The following SLC30A7 variants were observed in gnomAD, a reference collection of about 807,000 sequenced individuals.
The protein encoded by SLC30A7 is zinc transporter 7.
A neutral mutation model predicts 46.0 loss-of-function variants in SLC30A7; 35 were observed. The observed-to-expected ratio is 0.76, with a 90% confidence interval of 0.58 to 1.01. The LOEUF (loss-of-function observed/expected upper bound fraction) is 1.01, where lower values mean the gene tolerates loss of function less well. SLC30A7 is among the 50% of genes least tolerant of loss of function. SLC30A7 has a pLI of 0.00. For missense variants in SLC30A7, 464 were observed against 451.1 expected (o/e 1.03, Z -0.26); for synonymous variants, 147 against 157.8 (o/e 0.93, Z 0.51).
chr1:100,911,292 C>T (rs1054715434), intron 4 of SLC30A7, 142 bp downstream of exon 4: 12 of 551,820 alleles, frequency 2.2e-5, no homozygotes, highest in African/African-American at 1.5e-4. Flanking sequence ...ACAAGAGGAG[C>T]TTACAAAATA....
At chr1:100,914,004 T>C (rs986270078) in intron 6 of SLC30A7, among the ~76,000 whole-genome samples, 198 bp downstream of exon 6, 1 of 152,242 alleles carries the variant, frequency 6.6e-6, no homozygotes, top group Non-Finnish European at 1.5e-5. Flanking sequence ...GGATGTTCGC[T>C]TTTTTCCAGA....
chr1:100,933,569 C>A (rs978067407), intron 8 of SLC30A7, among the ~76,000 whole-genome samples: 30 of 152,194 alleles, frequency 2.0e-4, no homozygotes, highest in African/African-American at 7.2e-4. Flanking sequence ...CTCCCCACTC[C>A]CCCCACTCTA....
At chr1:100,971,606 T>A (rs1275146149) in intron 10 of SLC30A7, among the ~76,000 whole-genome samples, 1 of 152,128 alleles carries the variant, frequency 6.6e-6, no homozygotes, top group African/African-American at 2.4e-5. Context: ...TGAGAGCTCA[T>A]CATGTGCCAA....
intron 8 of SLC30A7, among the ~76,000 whole-genome samples, chr1:100,955,250 C>A (rs924269712): frequency 2.6e-5 from 4 of 151,946 alleles, no homozygotes; most frequent in African/African-American, 9.7e-5. Flanking sequence ...TCACTAAAAG[C>A]TGCTTCTGAA....
chr1:100,946,768 C>T (rs941534545), intron 8 of SLC30A7, among the ~76,000 whole-genome samples: 2 of 152,048 alleles, frequency 1.3e-5, no homozygotes, highest in Non-Finnish European at 2.9e-5. Context: ...GTGTCTCTGC[C>T]GGGCTTTGGT....
downstream of SLC30A7, among the ~76,000 whole-genome samples, chr1:100,986,400 A>C (rs1215022827): frequency 2.6e-5 from 4 of 151,292 alleles, no homozygotes; most frequent in Admixed American, 2.6e-4. Context: ...CAAAAGCAAA[A>C]CTCTTGTCTA....
At chr1:100,931,216 A>T (rs577279669) in intron 8 of SLC30A7, among the ~76,000 whole-genome samples, 1 of 152,158 alleles carries the variant, frequency 6.6e-6, no homozygotes, top group Non-Finnish European at 1.5e-5. Context: ...CTTTGTCCTC[A>T]ACACTTTCTT....
At chr1:100,915,256 C>CTTTCTTCCTTT (rs1557981536) in intron 6 of SLC30A7, among the ~76,000 whole-genome samples, 1 of 23,476 alleles carries the variant, frequency 4.3e-5, no homozygotes, top group South Asian at 1.1e-3. Context: ...TTTCTTTCTT[C>CTTTCTTCCTTT]CTTTCTTTCT....
intron 8 of SLC30A7, among the ~76,000 whole-genome samples, chr1:100,945,082 G>A (rs1449308743): frequency 2.0e-5 from 3 of 152,166 alleles, no homozygotes; most frequent in Non-Finnish European, 2.9e-5. Flanking sequence ...CTGCATAAAT[G>A]TCTTCTTTTG....
At chr1:100,951,250 A>G (rs1035586231) in intron 8 of SLC30A7, among the ~76,000 whole-genome samples, 1 of 152,092 alleles carries the variant, frequency 6.6e-6, no homozygotes, top group Non-Finnish European at 1.5e-5. Context: ...GACACAAAGT[A>G]CCCCTTTGTC....
At chr1:100,983,386 AAAAAC>A (rs1189095443), downstream of SLC30A7, among the ~76,000 whole-genome samples, 16 of 146,050 alleles carry the variant, frequency 1.1e-4, no homozygotes, top group South Asian at 1.1e-3. Context: ...AAAAAAAAAA[AAAAAC>A]AAAACAAAAC....
chr1:100,987,865 A>C, the SLC30A7 span, among the ~76,000 whole-genome samples: 1 of 152,150 alleles, frequency 6.6e-6, no homozygotes, highest in Non-Finnish European at 1.5e-5. Flanking sequence ...TAAAGGTTTC[A>C]TCCTTAGTTT....
rs981132784 is a variant in SLC30A7 at position 100,979,996 on chromosome 1, C to T, written c.*5139C>T. ...TATACATTATTTAGACTCATTCCTT[C>T]TTCCAGTGCCCTTATGATTATTTCC... On this transcript the variant is annotated 3_prime_UTR_variant, in exon 11 of 11. Coordinates refer to ENST00000357650, the MANE Select transcript of SLC30A7 (RefSeq NM_133496.5). The T allele has an allele frequency of 2.6e-5, 4 of 152,128 alleles. No homozygotes were observed. The highest frequency in any genetic ancestry group is 9.7e-5 in the African/African-American group (4 of 41,434). The allele number at this position is 152,128 out of a possible 1,614,324, so 9.4% of individuals were successfully genotyped here.
intron 8 of SLC30A7, among the ~76,000 whole-genome samples, chr1:100,957,565 A>G (rs1655292189): frequency 6.6e-6 from 1 of 152,154 alleles, no homozygotes; most frequent in South Asian, 2.1e-4. Context: ...GCTCTGGAAG[A>G]CTATGTGATT....
chr1:100,974,693 ATTC>A (rs549543477), intron 10 of SLC30A7, 114 bp from the exon 11 acceptor site: 1 of 683,184 alleles, frequency 1.5e-6, no homozygotes, highest in Non-Finnish European at 2.3e-6. Flanking sequence ...TTCTGAAATG[ATTC>A]TTTTCTTTTT....
rs67182429 is a variant in SLC30A7, at chr1:100,979,436, C to CAAAAAAAAAAAAAAA, written c.*4587_*4601dup. On this transcript the variant is annotated 3_prime_UTR_variant, in exon 11 of 11. Transcript: ENST00000357650. ...CAAATACAGTGAAAGATTATGTATC[C>CAAAAAAAAAAAAAAA]AAAAAAAAAAAAAAAAAAAAAAGAA... The CAAAAAAAAAAAAAAA allele has an allele frequency of 1.1e-5, 1 of 90,580 alleles. No homozygotes were observed. The highest frequency in any genetic ancestry group is 4.1e-5 in the African/African-American group (1 of 24,604). The allele number at this position is 90,580 out of a possible 1,614,324, so 5.6% of individuals were successfully genotyped here.
At chr1:100,921,400 C>A (rs1652928662) in intron 7 of SLC30A7, among the ~76,000 whole-genome samples, 1 of 152,100 alleles carries the variant, frequency 6.6e-6, no homozygotes, top group Non-Finnish European at 1.5e-5. Flanking sequence ...CTCCTGTTAG[C>A]CAGAGGTGAA....
At chr1:100,913,858 G>T in intron 6 of SLC30A7, 52 bp downstream of exon 6, 1 of 1,566,280 alleles carries the variant, frequency 6.4e-7, no homozygotes, top group Admixed American at 1.9e-5. Context: ...CAAGAGTTTT[G>T]TGGATTACTT....
chr1:100,911,218 T>G (rs1036789697), intron 4 of SLC30A7, 68 bp downstream of exon 4: 8 of 1,097,448 alleles, frequency 7.3e-6, no homozygotes, highest in Non-Finnish European at 9.2e-6. Context: ...TAATTAAAGA[T>G]ATATGTAAGT....
Sources: allele counts gnomAD v4.1 joint callset (sites outside exome capture counted in the v4.1 genomes callset), GRCh38; gene constraint gnomAD v4.1.1; transcripts MANE v1.5; gene names NCBI Gene and HGNC (gene_info 2026-07-23, HGNC 2026-07-21).